NCALD: variants seen among roughly 807,000 people sequenced by gnomAD.
The protein encoded by NCALD is neurocalcin-delta.
In NCALD, 10 loss-of-function variants were observed where a neutral mutation model predicts 18.6. The observed-to-expected ratio is 0.54, with a 90% CI of 0.33 to 0.91. The LOEUF (loss-of-function observed/expected upper bound fraction) is 0.91, where lower values mean the gene tolerates loss of function less well. Ranked by LOEUF, NCALD falls within the 40% of genes least tolerant of loss-of-function variation. The pLI, the probability that NCALD is intolerant of heterozygous loss-of-function variation, is 0.03. For synonymous variants in NCALD, 88 were observed against 87.4 expected (o/e 1.01, Z -0.04); for missense variants, 184 against 247.6 (o/e 0.74, Z 1.72).
intron 2 of NCALD, among the ~76,000 whole-genome samples, chr8:101,930,710 A>G (rs182828649): frequency 6.6e-6 from 1 of 152,286 alleles, no homozygotes; most frequent in East Asian, 1.9e-4. Context: ...AGCAACATTC[A>G]TCCCACTGGA....
At chr8:101,732,176 C>T (rs1816862500) in intron 1 of NCALD, among the ~76,000 whole-genome samples, 1 of 152,194 alleles carries the variant, frequency 6.6e-6, no homozygotes, top group African/African-American at 2.4e-5. Flanking sequence ...TAAATGTCCG[C>T]TTAACTAGGG....
chr8:101,765,453 A>G (rs1021419667), intron 1 of NCALD, among the ~76,000 whole-genome samples: 2 of 152,194 alleles, frequency 1.3e-5, no homozygotes, highest in Non-Finnish European at 1.5e-5. Flanking sequence ...TGTGCAAAAA[A>G]CATCAGATTA....
chr8:101,918,344 G>T (rs1818043411), intron 2 of NCALD, among the ~76,000 whole-genome samples: 1 of 152,018 alleles, frequency 6.6e-6, no homozygotes, highest in South Asian at 2.1e-4. Context: ...AATATTAAGA[G>T]CCATCTATGG....
chr8:101,932,761 A>C (rs751910267), intron 2 of NCALD, among the ~76,000 whole-genome samples: 1 of 152,194 alleles, frequency 6.6e-6, no homozygotes, highest in Non-Finnish European at 1.5e-5. Context: ...TGCTTTGTTA[A>C]GGTGGGGAAA....
At chr8:101,897,299 A>G (rs899514106) in intron 3 of NCALD, among the ~76,000 whole-genome samples, 2 of 149,888 alleles carry the variant, frequency 1.3e-5, no homozygotes, top group African/African-American at 4.9e-5. Flanking sequence ...TCTCAGTAAT[A>G]GGTGGGAATT....
intron 1 of NCALD, among the ~76,000 whole-genome samples, chr8:101,732,447 A>G (rs1211732641): frequency 6.6e-6 from 1 of 152,086 alleles, no homozygotes; most frequent in African/African-American, 2.4e-5. Context: ...TAATTTTTTT[A>G]TTTATTTGGC....
At chr8:102,043,550 G>A (rs1267757216) in intron 1 of NCALD, among the ~76,000 whole-genome samples, 1 of 151,700 alleles carries the variant, frequency 6.6e-6, no homozygotes, top group Non-Finnish European at 1.5e-5. Context: ...AAAGAATTGA[G>A]ACTATTAAGG....
chr8:101,741,657 G>A (rs898244250), intron 1 of NCALD, among the ~76,000 whole-genome samples: 4 of 150,266 alleles, frequency 2.7e-5, no homozygotes, highest in Non-Finnish European at 4.4e-5. Flanking sequence ...GAGGGGCTAG[G>A]TATGGTGGCT....
chr8:101,772,746 A>G (rs963417013), intron 1 of NCALD, among the ~76,000 whole-genome samples: 1 of 152,192 alleles, frequency 6.6e-6, no homozygotes, highest in African/African-American at 2.4e-5. Flanking sequence ...ACTATTCTGA[A>G]GCCAAGGGCC....
chr8:101,765,258 C>T (rs1315045168), intron 1 of NCALD, among the ~76,000 whole-genome samples: 2 of 152,172 alleles, frequency 1.3e-5, no homozygotes, highest in African/African-American at 4.8e-5. Context: ...GAAAAGAAGT[C>T]CTGTCCTTTT....
chr8:101,828,199 A>T (rs536310824), intron 4 of NCALD, among the ~76,000 whole-genome samples: 1 of 152,300 alleles, frequency 6.6e-6, no homozygotes, highest in East Asian at 1.9e-4. Flanking sequence ...CTGTTAAAAC[A>T]TGAGGCAGAC....
At chr8:101,982,321 G>T (rs1390143123) in intron 2 of NCALD, among the ~76,000 whole-genome samples, 1 of 152,198 alleles carries the variant, frequency 6.6e-6, no homozygotes, top group African/African-American at 2.4e-5. Flanking sequence ...CCATGAGCTT[G>T]TCATATACCA....
rs1586852058 is a variant in NCALD at position 101,974,032 on chromosome 8, T to C, written c.-157+46205A>G. On this transcript the variant is annotated intron_variant, in intron 2 of 6. Transcript: ENST00000311028. The stretch of plus-strand genomic sequence containing the variant: ...TTGTTCCATTCTTTCATCAGTTTAT[T>C]ATCTTCACAAGATCCCAGGGTCACA... Among the ~76,000 whole-genome samples, 4 of 152,286 alleles carry C rather than the reference T, an allele frequency of 2.6e-5. No homozygotes were observed. The South Asian group carries it at 8.3e-4, about 32-fold the overall frequency.
chr8:101,828,879 C>T lies in NCALD; in HGVS notation c.-20+58262G>A, dbSNP rs139269400. Among the ~76,000 whole-genome samples, 206 of 146,488 alleles carry T rather than the reference C, an allele frequency of 1.4e-3. 1 individual carries two copies. Among genetic ancestry groups the T allele is most frequent in the African/African-American group, 4.8e-3 (193 of 40,062 alleles). The stretch of plus-strand genomic sequence containing the variant: ...TGTTTTGTATAACCACCATCTAGAA[C>T]GCTGGTACCTAATAAGTGATCAATA... On this transcript the variant is annotated intron_variant, in intron 4 of 6. Transcript: ENST00000311028.
chr8:102,039,022 G>T (rs1228012788), intron 1 of NCALD, among the ~76,000 whole-genome samples: 34 of 152,280 alleles, frequency 2.2e-4, no homozygotes, highest in Non-Finnish European at 1.5e-5. Flanking sequence ...GAGGACCCCA[G>T]CCAACAGCGT....
At chr8:101,737,231 GCAC>G (rs1294510254) in intron 1 of NCALD, among the ~76,000 whole-genome samples, 2 of 152,026 alleles carry the variant, frequency 1.3e-5, no homozygotes, top group African/African-American at 2.4e-5. Flanking sequence ...CAACTGGCAT[GCAC>G]CACCACACCT....
chr8:102,020,378 G>A (rs933119659), intron 1 of NCALD: 5 of 152,102 alleles, frequency 3.3e-5, no homozygotes, highest in Non-Finnish European at 7.4e-5. Flanking sequence ...TGTATTTATA[G>A]ATCTGTTAAT....
intron 2 of NCALD, among the ~76,000 whole-genome samples, chr8:101,707,396 G>A (rs1815578247): frequency 2.0e-5 from 3 of 152,172 alleles, no homozygotes; most frequent in Admixed American, 1.3e-4. Context: ...TGGTGCCCGA[G>A]GAGGATAAGC....
At chr8:101,720,694 C>T (rs187763056) in intron 1 of NCALD, among the ~76,000 whole-genome samples, 48 of 152,280 alleles carry the variant, frequency 3.2e-4, no homozygotes, top group Middle Eastern at 3.4e-3. Context: ...TAAAGCTACT[C>T]CCTTAAAGAA....
Sources: gnomAD v4.1 joint callset for allele counts (sites outside exome capture counted in the v4.1 genomes callset) on GRCh38, gnomAD v4.1.1 for gene constraint, MANE v1.5 for transcripts, NCBI Gene and HGNC (gene_info 2026-07-23, HGNC 2026-07-21) for gene names.